Variants in APCDD1 observed in about 807,000 individuals in gnomAD.
The protein encoded by APCDD1 is APC down-regulated 1, also known as protein APCDD1.
APCDD1 carries 15 observed loss-of-function variants against 38.1 expected under a neutral mutation model. The ratio of observed to expected loss-of-function variants is 0.39; its 90% confidence interval spans 0.26 to 0.61. The LOEUF is 0.61. Ranked by LOEUF, APCDD1 falls within the 20% of genes least tolerant of loss-of-function variation. The pLI is 0.49. For missense variants in APCDD1, 647 were observed against 696.2 expected (o/e 0.93, Z 0.79); for synonymous variants, 261 against 279.7 (o/e 0.93, Z 0.67).
chr18:10,461,285 T>A (rs1303484167), intron 1 of APCDD1, among the ~76,000 whole-genome samples: 2 of 152,208 alleles, frequency 1.3e-5, no homozygotes, highest in African/African-American at 2.4e-5. Context: ...GCTTAATTTG[T>A]TTCTAACAGA....
chr18:10,462,960 C>T (rs886984750), intron 1 of APCDD1, among the ~76,000 whole-genome samples: 1 of 152,010 alleles, frequency 6.6e-6, no homozygotes, highest in Non-Finnish European at 1.5e-5. Context: ...AAATTCTTAC[C>T]ATACCACGAC....
In APCDD1 at chr18:10,471,758, G is replaced by A. The variant is rs1157933214; in HGVS notation, c.471G>A (p.Glu157=). ...LHNVQVICHT[E]AVAEKLGQQV... ...ACGTCCAGGTGATCTGCCACACAGAGGCGGTGGCCGAGAAGCTCGGCCAGC... is the reference window on the plus strand; with the variant it reads ...ACGTCCAGGTGATCTGCCACACAGAAGCGGTGGCCGAGAAGCTCGGCCAGC... Residue 157 remains glutamate (E), a synonymous_variant, in exon 3 of 5, where the codon GAG becomes GAA. Transcript: ENST00000355285. This position sits in a 1 kb window ranked among gnomAD's most constrained non-coding sequence, Gnocchi z 5.5. The A allele has an allele frequency of 1.2e-5, 19 of 1,613,374 alleles. No individual in the cohort carries two copies. The highest frequency in any genetic ancestry group is 1.5e-5 in the Non-Finnish European group (18 of 1,179,598).
intron 1 of APCDD1, among the ~76,000 whole-genome samples, chr18:10,460,902 A>G (rs1010514161): frequency 6.6e-6 from 1 of 152,156 alleles, no homozygotes; most frequent in African/African-American, 2.4e-5. Flanking sequence ...ACTGCTTTCT[A>G]TGTGCATGAT....
At chr18:10,461,774 C>G (rs2030548029) in intron 1 of APCDD1, among the ~76,000 whole-genome samples, 1 of 152,118 alleles carries the variant, frequency 6.6e-6, no homozygotes, top group Non-Finnish European at 1.5e-5. Flanking sequence ...TTTGCAGATT[C>G]ACTCGCAACA....
intron 1 of APCDD1, among the ~76,000 whole-genome samples, chr18:10,456,743 A>G (rs1051948334): frequency 6.6e-6 from 1 of 152,214 alleles, no homozygotes; most frequent in African/African-American, 2.4e-5. Context: ...GAGCCCAAGT[A>G]TATCCTCAAT....
In APCDD1 at chr18:10,472,986, G is replaced by A. The variant is rs935737010; in HGVS notation, c.774+925G>A. ...AGACCCGGGCCTGCTGCGGGTGGGC[G>A]GTGGGCAGGTCTCTGTGGAGTATCT... is the stretch of plus-strand genomic sequence containing the variant. On this transcript the variant is annotated intron_variant, in intron 3 of 4. Coordinates refer to ENST00000355285, the MANE Select transcript of APCDD1 (RefSeq NM_153000.5). The surrounding 1 kb of genome is among the most constrained non-coding windows in gnomAD (Gnocchi z 6.6). 3.9e-5 allele frequency among the ~76,000 whole-genome samples: 6 copies of A among 152,160 alleles called. No homozygotes were observed. Among genetic ancestry groups the A allele is most frequent in the African/African-American group, 1.2e-4 (5 of 41,436 alleles).
chr18:10,468,036 C>A (rs1399658766), intron 1 of APCDD1, among the ~76,000 whole-genome samples: 1 of 152,198 alleles, frequency 6.6e-6, no homozygotes, highest in African/African-American at 2.4e-5. Context: ...TTATTGATGA[C>A]ACCTCTTTCA....
Position 10,485,327 on chromosome 18 carries a change from C to A in APCDD1, c.775-135C>A. ...CTCTGTCTGTGCCCGGAGCATGATT[C>A]CAGTTGGTTCTTGGTGTCGAGGTTG... On this transcript the variant is annotated intron_variant, in intron 3 of 4. Coordinates refer to ENST00000355285, the MANE Select transcript of APCDD1 (RefSeq NM_153000.5). This position sits in a 1 kb window ranked among gnomAD's most constrained non-coding sequence, Gnocchi z 5.8. 1.1e-6 allele frequency: 1 copy of A among 922,134 alleles called. No individual in the cohort carries two copies. The highest frequency in any genetic ancestry group is 1.3e-5 in the South Asian group (1 of 75,252). 57.1% of individuals were successfully genotyped at this position (922,134 alleles called of 1,614,324 possible). A position where few individuals can be genotyped will look rare whatever the true frequency, so the allele number is the denominator to read the frequency against.
At chr18:10,479,833 G>A (rs994894648) in intron 3 of APCDD1, among the ~76,000 whole-genome samples, 1 of 152,060 alleles carries the variant, frequency 6.6e-6, no homozygotes. Context: ...TTGTTACCTG[G>A]AGCTAAGCAG....
chr18:10,486,084 G>C (rs1001371075), intron 4 of APCDD1, among the ~76,000 whole-genome samples: 4 of 152,206 alleles, frequency 2.6e-5, no homozygotes, highest in African/African-American at 4.8e-5. Context: ...AGGTGCGGAG[G>C]CTCATGCCTG....
chr18:10,456,849 A>G (rs1013545884), intron 1 of APCDD1, among the ~76,000 whole-genome samples: 6 of 152,168 alleles, frequency 3.9e-5, no homozygotes, highest in Non-Finnish European at 7.4e-5. Context: ...CCCAGACCCC[A>G]TGGTGTTGGG....
chr18:10,477,510 G>A (rs572207586), intron 3 of APCDD1: 1 of 152,190 alleles, frequency 6.6e-6, no homozygotes, highest in Non-Finnish European at 1.5e-5. Flanking sequence ...CTTGACTCCA[G>A]AGTATTTCAG....
intron 3 of APCDD1, among the ~76,000 whole-genome samples, chr18:10,482,871 C>T (rs1339037270): frequency 6.6e-6 from 1 of 152,156 alleles, no homozygotes; most frequent in Non-Finnish European, 1.5e-5. Flanking sequence ...ACCAAGGAAA[C>T]GTAAAGGCAA....
chr18:10,468,134 G>A (rs1309640220), intron 1 of APCDD1, among the ~76,000 whole-genome samples: 1 of 152,172 alleles, frequency 6.6e-6, no homozygotes, highest in African/African-American at 2.4e-5. Context: ...TGGCCGCCTT[G>A]CACAAACACT....
intron 1 of APCDD1, among the ~76,000 whole-genome samples, chr18:10,456,652 C>A (rs748005927): frequency 6.6e-6 from 1 of 152,076 alleles, no homozygotes; most frequent in Non-Finnish European, 1.5e-5. Context: ...ACATGTTCTC[C>A]CTATTTTGAG....
rs2030326381 is a variant in APCDD1 at position 10,454,841 on chromosome 18, G to A, written c.-141G>A. 7.7e-6 allele frequency: 8 copies of A among 1,033,022 alleles called. No individual in the cohort carries two copies. The highest frequency in any genetic ancestry group is 8.1e-6 in the Non-Finnish European group (7 of 862,248). The allele number at this position is 1,033,022 out of a possible 1,614,324, so 64.0% of individuals were successfully genotyped here. On this transcript the variant is annotated 5_prime_UTR_variant, in exon 1 of 5. Coordinates refer to ENST00000355285, the MANE Select transcript of APCDD1 (RefSeq NM_153000.5). ...CGCAGCCCCGCGCCTAGCCCGCCGG[G>A]CATGGGGCGCGCGGCAGCCGCCTGA...
intron 1 of APCDD1, among the ~76,000 whole-genome samples, chr18:10,460,419 G>A (rs2030505193): frequency 6.6e-6 from 1 of 152,042 alleles, no homozygotes; most frequent in African/African-American, 2.4e-5. Context: ...TGTAATTCCA[G>A]CTTCTCGGGA....
In APCDD1 at chr18:10,488,205, A is replaced by G; in HGVS notation, c.*167A>G. On this transcript the variant is annotated 3_prime_UTR_variant, in exon 5 of 5. Coordinates refer to ENST00000355285, the MANE Select transcript of APCDD1 (RefSeq NM_153000.5). ...AGCCCCTGAGTCATGAACAGCAAGG[A>G]GTGTTTGAAGTTTCTGCTTTGAACT... 1 of 858,588 alleles carries G rather than the reference A, an allele frequency of 1.2e-6. No homozygotes were observed. Among genetic ancestry groups the G allele is most frequent in the African/African-American group, 1.7e-5 (1 of 58,786 alleles). 53.2% of individuals were successfully genotyped at this position (858,588 alleles called of 1,614,324 possible). A position where few individuals can be genotyped will look rare whatever the true frequency, so the allele number is the denominator to read the frequency against.
Position 10,489,706 on chromosome 18 carries a change from A to C in APCDD1, c.*1668A>C, listed in dbSNP as rs1288636359. 6.6e-6 allele frequency: 1 copy of C among 152,162 alleles called. No individual in the cohort carries two copies. Among genetic ancestry groups the C allele is most frequent in the Non-Finnish European group, 1.5e-5 (1 of 68,050 alleles). 9.4% of individuals were successfully genotyped at this position (152,162 alleles called of 1,614,324 possible). On this transcript the variant is annotated 3_prime_UTR_variant, in exon 5 of 5. Coordinates refer to ENST00000355285, the MANE Select transcript of APCDD1 (RefSeq NM_153000.5). ...AGAGCGAGACTCCATCTCAAAAAAA[A>C]AAAAAAGTAACTTTATGAAATGCCA...
Sources: allele counts gnomAD v4.1 joint callset (sites outside exome capture counted in the v4.1 genomes callset), GRCh38; gene constraint gnomAD v4.1.1; non-coding constraint Gnocchi (gnomAD v3.1); transcripts MANE v1.5; gene names NCBI Gene and HGNC (gene_info 2026-07-23, HGNC 2026-07-21).